The following RNF144A variants were observed in gnomAD, a reference collection of about 807,000 sequenced individuals.
RNF144A encodes E3 ubiquitin-protein ligase RNF144A.
RNF144A carries 11 observed loss-of-function variants against 38.7 expected under a neutral mutation model. The ratio of observed to expected loss-of-function variants is 0.28; its 90% CI spans 0.18 to 0.47. The LOEUF is 0.47. Among genes scored for constraint, RNF144A ranks in the 20% least tolerant of loss-of-function variants. RNF144A has a pLI of 0.99. For synonymous variants in RNF144A, 149 were observed against 143.9 expected (o/e 1.04, Z -0.25); for missense variants, 316 against 377.2 (o/e 0.84, Z 1.34).
intron 1 of RNF144A, among the ~76,000 whole-genome samples, chr2:6,928,670 T>C (rs1406526238): frequency 6.6e-6 from 1 of 152,232 alleles, no homozygotes; most frequent in African/African-American, 2.4e-5. Context: ...ATTTGAGCCC[T>C]TGCCTTCAGA....
intron 2 of RNF144A, among the ~76,000 whole-genome samples, chr2:6,991,688 T>C (rs1174483342): frequency 2.0e-5 from 3 of 152,190 alleles, no homozygotes; most frequent in Admixed American, 6.5e-5. Context: ...CTCAGAGTCA[T>C]TGTGCAGAGA....
chr2:6,921,227 A>T (rs1664519777), intron 1 of RNF144A, among the ~76,000 whole-genome samples: 1 of 152,210 alleles, frequency 6.6e-6, no homozygotes. Context: ...CTGAATTTAA[A>T]GGTGCTTACT....
intron 6 of RNF144A, among the ~76,000 whole-genome samples, chr2:7,067,197 A>T (rs1674269084): frequency 6.6e-6 from 1 of 152,116 alleles, no homozygotes; most frequent in Non-Finnish European, 1.5e-5. Context: ...ACTGGACTGG[A>T]TCCTGAATTC....
At chr2:7,001,058 G>A (rs1670069911) in intron 3 of RNF144A, among the ~76,000 whole-genome samples, 1 of 152,048 alleles carries the variant, frequency 6.6e-6, no homozygotes, top group South Asian at 2.1e-4. Flanking sequence ...CTAGCACTTT[G>A]GGAGGCTGAG....
At chr2:7,064,863 T>G (rs1346364415) in intron 6 of RNF144A, among the ~76,000 whole-genome samples, 1 of 152,208 alleles carries the variant, frequency 6.6e-6, no homozygotes, top group Non-Finnish European at 1.5e-5. Flanking sequence ...TAAGCAGCCC[T>G]GAAGACAGAC....
chr2:7,039,802 G>T lies in RNF144A; in HGVS notation c.*42G>T. ...GAACACATCCCTGCCTCCGGGAAGT[G>T]TGGCTCTCCCCCAACCCTCCCCACC... On this transcript the variant is annotated 3_prime_UTR_variant, in exon 9 of 9. Coordinates refer to ENST00000320892, the MANE Select transcript of RNF144A (RefSeq NM_014746.6). 2 of 1,605,830 alleles carry T rather than the reference G, an allele frequency of 1.2e-6. No homozygotes were observed. Among genetic ancestry groups the T allele is most frequent in the Non-Finnish European group, 1.7e-6 (2 of 1,175,566 alleles).
intron 2 of RNF144A, among the ~76,000 whole-genome samples, chr2:6,951,634 C>G (rs1666685646): frequency 6.6e-6 from 1 of 152,104 alleles, no homozygotes; most frequent in South Asian, 2.1e-4. Flanking sequence ...TCTGAAATTT[C>G]TATGTTTTCT....
Position 6,944,709 on chromosome 2 carries a change from C to T in RNF144A, c.-12+3562C>T, listed in dbSNP as rs143565517. 3.0e-3 allele frequency among the ~76,000 whole-genome samples: 461 copies of T among 152,262 alleles called. 1 individual carries two copies. The highest frequency in any genetic ancestry group is 0.011 in the African/African-American group (442 of 41,538). ...ACATTAAAGAACCCTGGAGAAAACA[C>T]ATCACGAGGCCAAGTAGAATTTTGT... On this transcript the variant is annotated intron_variant, in intron 2 of 8. Coordinates refer to ENST00000320892, the MANE Select transcript of RNF144A (RefSeq NM_014746.6). This position sits in a 1 kb window ranked among gnomAD's most constrained non-coding sequence, Gnocchi z 4.7.
intron 6 of RNF144A, among the ~76,000 whole-genome samples, chr2:7,021,641 G>C (rs955022625): frequency 2.0e-5 from 3 of 152,212 alleles, no homozygotes; most frequent in Non-Finnish European, 4.4e-5. Context: ...TCCACCCTCT[G>C]TGTTCCCCCT....
chr2:6,991,813 C>T (rs1558412243), intron 2 of RNF144A, among the ~76,000 whole-genome samples: 1 of 152,104 alleles, frequency 6.6e-6, no homozygotes, highest in African/African-American at 2.4e-5. Context: ...ATATATCTCT[C>T]TCATAAATAC....
rs186563074 is a variant in RNF144A, at chr2:6,941,938, C to T, written c.-12+791C>T. Among the ~76,000 whole-genome samples the T allele has an allele frequency of 2.2e-3, 333 of 152,354 alleles. 2 individuals carry two copies. The highest frequency in any genetic ancestry group is 4.0e-3 in the Non-Finnish European group (273 of 68,028). On this transcript the variant is annotated intron_variant, in intron 2 of 8. Transcript: ENST00000320892. This position sits in a 1 kb window ranked among gnomAD's most constrained non-coding sequence, Gnocchi z 6.5. ...AGGGCATAGTGGGACCTGGCTGTGC[C>T]TGCCATTGCAGGCTGTGGGGGAATT...
intron 7 of RNF144A, among the ~76,000 whole-genome samples, chr2:7,025,345 G>C (rs1671815045): frequency 6.6e-6 from 1 of 152,182 alleles, no homozygotes; most frequent in African/African-American, 2.4e-5. Context: ...TATGATTTTA[G>C]TTTTAGAATA....
intron 2 of RNF144A, among the ~76,000 whole-genome samples, chr2:6,970,921 T>C (rs1196496379): frequency 6.6e-6 from 1 of 152,260 alleles, no homozygotes; most frequent in Non-Finnish European, 1.5e-5. Flanking sequence ...GCATAAAATT[T>C]AGTGCACAAA....
At chr2:7,016,879 G>C (rs542001261) in intron 5 of RNF144A, among the ~76,000 whole-genome samples, 3 of 152,122 alleles carry the variant, frequency 2.0e-5, no homozygotes, top group African/African-American at 4.8e-5. Flanking sequence ...GTCATGTTGC[G>C]CACACTGTCT....
At chr2:7,044,275 A>C (rs551346889), downstream of RNF144A, 1 of 844,612 alleles carries the variant, frequency 1.2e-6, no homozygotes, top group South Asian at 5.4e-5. Context: ...AATCTATTGA[A>C]GATTGAAAAT....
At chr2:7,019,782 T>C (rs1481934695) in intron 5 of RNF144A, among the ~76,000 whole-genome samples, 2 of 152,248 alleles carry the variant, frequency 1.3e-5, no homozygotes, top group African/African-American at 4.8e-5. Context: ...GTCTTGTTTT[T>C]AGAAATAAAC....
chr2:7,024,424 A>G lies in RNF144A; in HGVS notation c.565A>G (p.Lys189Glu). ...GCCCATCAAGCGCTGCCCCAAGTGC[A>G]AAGTCTACATCGAGCGAGACGAAGG... ...DAPIKRCPKC[K>E]VYIERDEGCA... Residue 189 changes from lysine (K) to glutamate (E), a missense_variant, in exon 7 of 9, where the codon AAA (lysine) becomes GAA (glutamate). Physicochemically the swap from Lys to Glu is moderately conservative, Grantham distance 56. Coordinates refer to ENST00000320892, the MANE Select transcript of RNF144A (RefSeq NM_014746.6). 1.2e-6 allele frequency: 2 copies of G among 1,612,760 alleles called. No homozygotes were observed. The highest frequency in any genetic ancestry group is 1.7e-6 in the Non-Finnish European group (2 of 1,178,738).
intron 2 of RNF144A, among the ~76,000 whole-genome samples, chr2:6,990,215 C>G (rs1433529303): frequency 6.6e-6 from 1 of 152,044 alleles, no homozygotes; most frequent in Non-Finnish European, 1.5e-5. Context: ...GGACATCCCC[C>G]TGGCTTACAG....
chr2:7,070,518 T>G (rs1674427765), downstream of RNF144A, among the ~76,000 whole-genome samples: 1 of 152,206 alleles, frequency 6.6e-6, no homozygotes, highest in Non-Finnish European at 1.5e-5. Context: ...AAAGTTATGT[T>G]GAAGTCCCCC....
Sources: allele counts gnomAD v4.1 joint callset (sites outside exome capture counted in the v4.1 genomes callset), GRCh38; gene constraint gnomAD v4.1.1; non-coding constraint Gnocchi (gnomAD v3.1); transcripts MANE v1.5; gene names NCBI Gene and HGNC (gene_info 2026-07-23, HGNC 2026-07-21).